The following REDIC1 variants were observed in gnomAD, a reference collection of about 807,000 sequenced individuals.
REDIC1 encodes the protein regulator of DNA class I crossover intermediates 1, also known as HEI10 Interacting Protein 1.
At chr12:39,724,433 T>C in the REDIC1 span, among the ~76,000 whole-genome samples, 5 of 152,116 alleles carry the variant, frequency 3.3e-5, no homozygotes, top group Non-Finnish European at 5.9e-5. Context: ...AGGATTAACC[T>C]TAAGTTGCTC....
the REDIC1 span, among the ~76,000 whole-genome samples, chr12:39,743,409 C>G: frequency 0.016 from 2,470 of 152,268 alleles, 63 homozygotes; most frequent in African/African-American, 0.054. Context: ...CAAAAGTTTA[C>G]TTATCAGAGT....
At chr12:39,813,475 C>A in the REDIC1 span, among the ~76,000 whole-genome samples, 10 of 152,066 alleles carry the variant, frequency 6.6e-5, no homozygotes, top group Admixed American at 2.6e-4. Flanking sequence ...ATTTCAGATA[C>A]CATATTTCAT....
chr12:39,725,786 T>C, the REDIC1 span, among the ~76,000 whole-genome samples: 2 of 151,732 alleles, frequency 1.3e-5, no homozygotes, highest in Non-Finnish European at 2.9e-5. Context: ...ATAATTGATA[T>C]CTATAAATGT....
At chr12:39,773,779 T>A in the REDIC1 span, among the ~76,000 whole-genome samples, 2 of 152,172 alleles carry the variant, frequency 1.3e-5, no homozygotes, top group African/African-American at 4.8e-5. Flanking sequence ...TCCAACTTCA[T>A]ATATTGAGTC....
At chr12:39,639,162 T>C in the REDIC1 span, among the ~76,000 whole-genome samples, 5 of 152,170 alleles carry the variant, frequency 3.3e-5, no homozygotes, top group East Asian at 7.7e-4. Flanking sequence ...CAGGTCCTCC[T>C]TAGTCTTAGC....
At chr12:39,730,884 G>A in the REDIC1 span, among the ~76,000 whole-genome samples, 4 of 152,010 alleles carry the variant, frequency 2.6e-5, no homozygotes, top group Admixed American at 2.0e-4. Context: ...TTGTCTTCAT[G>A]CTTTATTTCA....
chr12:39,655,225 T>C, the REDIC1 span, among the ~76,000 whole-genome samples: 1 of 152,092 alleles, frequency 6.6e-6, no homozygotes, highest in Non-Finnish European at 1.5e-5. Flanking sequence ...ATTTTTTAAG[T>C]TCTACACTAA....
chr12:39,753,924 A>G, the REDIC1 span, among the ~76,000 whole-genome samples: 1 of 152,166 alleles, frequency 6.6e-6, no homozygotes, highest in Non-Finnish European at 1.5e-5. Context: ...TCAAATCTAA[A>G]TGATTTGAAT....
the REDIC1 span, among the ~76,000 whole-genome samples, chr12:39,819,159 A>C: frequency 6.6e-6 from 1 of 152,202 alleles, no homozygotes; most frequent in Non-Finnish European, 1.5e-5. Context: ...CATGTATCAC[A>C]CTTGCAGTCT....
At chr12:39,707,754 A>C in the REDIC1 span, among the ~76,000 whole-genome samples, 1 of 151,862 alleles carries the variant, frequency 6.6e-6, no homozygotes, top group African/African-American at 2.4e-5. Flanking sequence ...TTTTTTAAAA[A>C]GTTTTTTTCT....
chr12:39,760,095 A>G, the REDIC1 span: 4 of 1,612,928 alleles, frequency 2.5e-6, no homozygotes, highest in East Asian at 6.7e-5. Flanking sequence ...TATATTCAAT[A>G]TATCTCCCTT....
At chr12:39,904,776 A>T in the REDIC1 span, among the ~76,000 whole-genome samples, 3 of 152,210 alleles carry the variant, frequency 2.0e-5, no homozygotes, top group South Asian at 6.2e-4. Flanking sequence ...TAATATCTGG[A>T]CTTCTAAGTG....
the REDIC1 span, among the ~76,000 whole-genome samples, chr12:39,894,851 G>GA: frequency 1.3e-5 from 2 of 151,716 alleles, no homozygotes; most frequent in South Asian, 4.2e-4. Context: ...AAAAGTCAAA[G>GA]AAAAAAGGGA....
At chr12:39,754,452 A>G in the REDIC1 span, 1 of 152,118 alleles carries the variant, frequency 6.6e-6, no homozygotes, top group Non-Finnish European at 1.5e-5. Flanking sequence ...AAGCCTTTGA[A>G]TGACAGTAGG....
chr12:39,719,803 G>A, the REDIC1 span, among the ~76,000 whole-genome samples: 1 of 151,964 alleles, frequency 6.6e-6, no homozygotes, highest in African/African-American at 2.4e-5. Context: ...TATATATGAT[G>A]TTTTGTTACA....
At chr12:39,653,538 T>TCTTCTTCTTTTTCTTCTTCTTC in the REDIC1 span, among the ~76,000 whole-genome samples, 18 of 66,690 alleles carry the variant, frequency 2.7e-4, no homozygotes, top group African/African-American at 7.6e-4. Flanking sequence ...TTCTTCTTCT[T>TCTTCTTCTTTTTCTTCTTCTTC]TTTCTTCTTC....
At chr12:39,794,394 T>C in the REDIC1 span, among the ~76,000 whole-genome samples, 4 of 152,228 alleles carry the variant, frequency 2.6e-5, no homozygotes, top group Non-Finnish European at 1.5e-5. Flanking sequence ...TTAAATTACA[T>C]TTGGCCTAGA....
chr12:39,634,806 G>C, the REDIC1 span, among the ~76,000 whole-genome samples: 1 of 152,092 alleles, frequency 6.6e-6, no homozygotes, highest in Non-Finnish European at 1.5e-5. Context: ...AAACTAAAGA[G>C]CTTCTGCACA....
chr12:39,864,854 G>A, the REDIC1 span: 2 of 1,613,538 alleles, frequency 1.2e-6, no homozygotes, highest in Non-Finnish European at 1.7e-6. Flanking sequence ...CAAATCCCAA[G>A]GCAAGAATAA....
Sources: allele counts gnomAD v4.1 joint callset (sites outside exome capture counted in the v4.1 genomes callset), GRCh38; gene constraint gnomAD v4.1.1; transcripts MANE v1.5; gene names NCBI Gene and HGNC (gene_info 2026-07-23, HGNC 2026-07-21).